Variants in ZSCAN30 observed in about 807,000 individuals in gnomAD.
ZSCAN30 encodes the protein zinc finger and SCAN domain-containing protein 30.
Under a neutral mutation model 44.3 loss-of-function variants are expected in ZSCAN30, and 37 were observed. That is an observed-to-expected ratio of 0.84 (90% confidence interval 0.64 to 1.10). The LOEUF is 1.10. Among genes scored for constraint, ZSCAN30 ranks in the 50% least tolerant of loss-of-function variants. The pLI is 0.00. For synonymous variants in ZSCAN30, 181 were observed against 204.6 expected (o/e 0.88, Z 0.98); for missense variants, 549 against 582.6 (o/e 0.94, Z 0.59).
chr18:35,271,917 G>T (rs952997158), intron 1 of ZSCAN30, among the ~76,000 whole-genome samples: 5 of 152,086 alleles, frequency 3.3e-5, no homozygotes. Context: ...GCCTGGGGCC[G>T]GCGGCGCTGG....
chr18:35,267,456 T>C (rs10432176), intron 1 of ZSCAN30: 8,898 of 149,798 alleles, frequency 0.059, 447 homozygotes, highest in East Asian at 0.24. Flanking sequence ...GGGACCGCCC[T>C]GCTGGACCGC....
intron 1 of ZSCAN30, among the ~76,000 whole-genome samples, chr18:35,276,009 T>A (rs1318053891): frequency 6.6e-6 from 1 of 152,248 alleles, no homozygotes; most frequent in Non-Finnish European, 1.5e-5. Flanking sequence ...TGGGATAAAT[T>A]CCACTTGGTC....
intron 1 of ZSCAN30, chr18:35,281,119 C>T (rs751745155): frequency 6.6e-6 from 1 of 152,174 alleles, no homozygotes; most frequent in African/African-American, 2.4e-5. Flanking sequence ...TATATTAGTA[C>T]ACATGTTAGT....
At chr18:35,285,591 A>C (rs2044535660) in intron 1 of ZSCAN30, among the ~76,000 whole-genome samples, 1 of 152,172 alleles carries the variant, frequency 6.6e-6, no homozygotes, top group Admixed American at 6.5e-5. Context: ...AAATATCAGA[A>C]AAATCTCTAG....
At position 35,252,619 on chromosome 18, in the gene ZSCAN30, T is replaced by C. The variant is rs4799791; in HGVS notation, c.*831A>G. 0.82 allele frequency: 124,523 copies of C among 152,130 alleles called. 51,907 individuals carry two copies. The highest frequency in any genetic ancestry group is 0.9 in the Non-Finnish European group (60,878 of 68,014). 9.4% of individuals were successfully genotyped at this position (152,130 alleles called of 1,614,324 possible). A position where few individuals can be genotyped will look rare whatever the true frequency, so the allele number is the denominator to read the frequency against. On this transcript the variant is annotated 3_prime_UTR_variant, in exon 4 of 4. Transcript: ENST00000333206. The stretch of plus-strand genomic sequence containing the variant: ...CCTTGCTACCTTCTACCCACCTTTA[T>C]GTCTGAGATACCATCATATCCAGGA...
chr18:35,275,697 C>T (rs1381442866), intron 1 of ZSCAN30, among the ~76,000 whole-genome samples: 5 of 152,208 alleles, frequency 3.3e-5, no homozygotes, highest in African/African-American at 1.2e-4. Context: ...ATCTTTTACA[C>T]ATTACATATC....
intron 1 of ZSCAN30, among the ~76,000 whole-genome samples, chr18:35,279,076 T>C (rs139180223): frequency 2.6e-5 from 4 of 152,354 alleles, no homozygotes; most frequent in African/African-American, 7.2e-5. Context: ...GCTTTTTCTA[T>C]TAAGAATTTC....
At position 35,258,052 on chromosome 18, in the gene ZSCAN30, T is replaced by C. The variant is rs1425515236; in HGVS notation, c.554-3671A>G. 9.0e-6 allele frequency: 7 copies of C among 775,236 alleles called. No individual in the cohort carries two copies. In the Admixed American group the frequency reaches 1.2e-4, roughly 13 times the overall value. 48.0% of individuals were successfully genotyped at this position (775,236 alleles called of 1,614,324 possible). ...CTACAAGAAACTTATAACTCAAGGT[T>C]GTAAAAATGGCATGGTGACTCTTAC... On this transcript the variant is annotated intron_variant, in intron 3 of 3. Transcript: ENST00000333206.
At chr18:35,266,217 C>G (rs1323681455) in intron 1 of ZSCAN30, among the ~76,000 whole-genome samples, 8 of 152,036 alleles carry the variant, frequency 5.3e-5, no homozygotes, top group Admixed American at 5.2e-4. Flanking sequence ...CCCTGGGGCA[C>G]AGTTAATGAA....
At position 35,288,503 on chromosome 18, in the gene ZSCAN30, C is replaced by T. The variant is rs79342396; in HGVS notation, c.-104+1581G>A. 4.6e-5 allele frequency among the ~76,000 whole-genome samples: 7 copies of T among 152,232 alleles called. No homozygotes were observed. In the East Asian group the frequency reaches 7.7e-4, roughly 17 times the overall value. ...ATATGTCCATATAAAGACGTGTGTA[C>T]ATGAATGTTCTCAGCTTTACTTGTA... On this transcript the variant is annotated intron_variant, in intron 1 of 3. Coordinates refer to ENST00000333206, the MANE Select transcript of ZSCAN30 (RefSeq NM_001112734.4).
rs548635082 is a variant in ZSCAN30 at position 35,252,930 on chromosome 18, G to C, written c.*520C>G. ...GGGCAGAATGAGGCACCATTCCTCA[G>C]GTACTATTTTACTGCCTCAGATATT... On this transcript the variant is annotated 3_prime_UTR_variant, in exon 4 of 4. Coordinates refer to ENST00000333206, the MANE Select transcript of ZSCAN30 (RefSeq NM_001112734.4). 1 of 153,102 alleles carries C rather than the reference G, an allele frequency of 6.5e-6. No individual in the cohort carries two copies. The highest frequency in any genetic ancestry group is 1.9e-4 in the East Asian group (1 of 5,184). The allele number at this position is 153,102 out of a possible 1,614,324, so 9.5% of individuals were successfully genotyped here. A position where few individuals can be genotyped will look rare whatever the true frequency, so the allele number is the denominator to read the frequency against.
rs1204494519 is a variant in ZSCAN30 at position 35,252,903 on chromosome 18, G to A, written c.*547C>T. The stretch of plus-strand genomic sequence containing the variant: ...TCAGGATTGAGGAGACAACTGGCAA[G>A]GGGGCAGAATGAGGCACCATTCCTC... On this transcript the variant is annotated 3_prime_UTR_variant, in exon 4 of 4. Transcript: ENST00000333206. 6.5e-6 allele frequency: 1 copy of A among 153,098 alleles called. No homozygotes were observed. The highest frequency in any genetic ancestry group is 2.4e-5 in the African/African-American group (1 of 41,444). 9.5% of individuals were successfully genotyped at this position (153,098 alleles called of 1,614,324 possible). A position where few individuals can be genotyped will look rare whatever the true frequency, so the allele number is the denominator to read the frequency against.
intron 1 of ZSCAN30, among the ~76,000 whole-genome samples, chr18:35,271,873 C>T (rs982851806): frequency 1.4e-4 from 21 of 152,314 alleles, no homozygotes; most frequent in Admixed American, 1.0e-3. Context: ...GCGCCCCCTC[C>T]GCAGCTGCTG....
rs1247607554 is a variant in ZSCAN30 at position 35,252,117 on chromosome 18, C to T, written c.*1333G>A. 2 of 152,194 alleles carry T rather than the reference C, an allele frequency of 1.3e-5. No individual in the cohort carries two copies. The highest frequency in any genetic ancestry group is 2.9e-5 in the Non-Finnish European group (2 of 68,058). 9.4% of individuals were successfully genotyped at this position (152,194 alleles called of 1,614,324 possible). A position where few individuals can be genotyped will look rare whatever the true frequency, so the allele number is the denominator to read the frequency against. On this transcript the variant is annotated 3_prime_UTR_variant, in exon 4 of 4. Coordinates refer to ENST00000333206, the MANE Select transcript of ZSCAN30 (RefSeq NM_001112734.4). ...CAGCAGGAATTAGTTGTCATAAAGCCTGGCTCAGAATCCCCATGTGTTGCT... is the reference window on the plus strand; with the variant it reads ...CAGCAGGAATTAGTTGTCATAAAGCTTGGCTCAGAATCCCCATGTGTTGCT...
At chr18:35,277,854 TC>T (rs1024932018) in intron 1 of ZSCAN30, among the ~76,000 whole-genome samples, 4 of 152,156 alleles carry the variant, frequency 2.6e-5, no homozygotes, top group Non-Finnish European at 1.5e-5. Context: ...TGACTGTACT[TC>T]CTTCCTTCTG....
At chr18:35,267,451 C>A (rs1370625571) in intron 1 of ZSCAN30, 1 of 151,428 alleles carries the variant, frequency 6.6e-6, no homozygotes, top group Non-Finnish European at 1.5e-5. Context: ...CACCCGGGAC[C>A]GCCCTGCTGG....
chr18:35,258,078 A>C, intron 3 of ZSCAN30: 1 of 755,168 alleles, frequency 1.3e-6, no homozygotes, highest in South Asian at 1.4e-5. Context: ...TGACTCTTAC[A>C]ATCATATCAC....
chr18:35,264,175 T>C lies in ZSCAN30; in HGVS notation c.178A>G (p.Thr60Ala), dbSNP rs772337005. ...KFRQFSYSDS[T>A]GPREALSRLR... ...CGGCTCAGAGCCTCCCGAGGGCCAG[T>C]GGAGTCAGAGTAACTAAACTGCCTG... The change falls in exon 2 of 4, where the codon ACT becomes GCT. Residue 60 changes from threonine to alanine, a missense_variant. Transcript: ENST00000333206. The C allele has an allele frequency of 2.5e-5, 41 of 1,614,104 alleles. No individual in the cohort carries two copies. Among genetic ancestry groups the C allele is most frequent in the Non-Finnish European group, 3.2e-5 (38 of 1,180,050 alleles).
intron 1 of ZSCAN30, among the ~76,000 whole-genome samples, chr18:35,271,941 G>A (rs1226268281): frequency 6.6e-6 from 1 of 152,114 alleles, no homozygotes; most frequent in African/African-American, 2.4e-5. Flanking sequence ...GCCGCTCCAA[G>A]TGCGGGGCCC....
Sources: gnomAD v4.1 joint callset for allele counts (sites outside exome capture counted in the v4.1 genomes callset) on GRCh38, gnomAD v4.1.1 for gene constraint, MANE v1.5 for transcripts, NCBI Gene and HGNC (gene_info 2026-07-23, HGNC 2026-07-21) for gene names.